Variants in CCM2 observed in about 807,000 individuals in gnomAD.
CCM2 encodes cerebral cavernous malformations 2 protein.
A neutral mutation model predicts 44.9 loss-of-function variants in CCM2; 25 were observed. The observed-to-expected ratio is 0.56, with a 90% CI of 0.41 to 0.78. The LOEUF is 0.78. Among genes scored for constraint, CCM2 ranks in the 30% least tolerant of loss-of-function variants. The pLI is 0.00. For missense variants in CCM2, 481 were observed against 580.6 expected (o/e 0.83, Z 1.76); for synonymous variants, 219 against 241.1 (o/e 0.91, Z 0.85).
rs551691990 is a variant in CCM2 at position 45,045,300 on chromosome 7, T to C, written c.204+6874T>C. ...GGAACTTGAATCACCTTGGAACTTT[T>C]GTATTGATTTCCATAAATGGGAAGT... is the stretch of plus-strand genomic sequence containing the variant. On this transcript the variant is annotated intron_variant, in intron 2 of 9. Coordinates refer to ENST00000258781, the MANE Select transcript of CCM2 (RefSeq NM_031443.4). 4.6e-5 allele frequency among the ~76,000 whole-genome samples: 7 copies of C among 152,348 alleles called. No homozygotes were observed. The South Asian group carries it at 1.4e-3, about 32-fold the overall frequency.
chr7:45,014,037 C>G (rs1796163511), intron 1 of CCM2, among the ~76,000 whole-genome samples: 1 of 152,142 alleles, frequency 6.6e-6, no homozygotes, highest in Non-Finnish European at 1.5e-5. Flanking sequence ...CTGTAGTTCT[C>G]TAGTATCCTT....
intron 2 of CCM2, among the ~76,000 whole-genome samples, chr7:45,038,903 A>AT (rs1260250971): frequency 6.6e-6 from 1 of 152,224 alleles, no homozygotes; most frequent in Non-Finnish European, 1.5e-5. Flanking sequence ...GCATAAGTTG[A>AT]TTTTTAATCC....
At chr7:45,009,250 A>G (rs13224902) in intron 1 of CCM2, among the ~76,000 whole-genome samples, 121,101 of 140,032 alleles carry the variant, frequency 0.86, 52,702 homozygotes, top group African/African-American at 0.96. Context: ...GCTGTGAGCC[A>G]AGATTGCGCC....
At chr7:45,013,139 A>T (rs76751072) in intron 1 of CCM2, among the ~76,000 whole-genome samples, 1 of 151,670 alleles carries the variant, frequency 6.6e-6, no homozygotes. Context: ...TCCTCTATAT[A>T]TTGCTATATA....
intron 1 of CCM2, among the ~76,000 whole-genome samples, chr7:45,026,423 A>G (rs1338801204): frequency 3.3e-5 from 5 of 152,328 alleles, no homozygotes; most frequent in African/African-American, 1.2e-4. Context: ...ATCAGGAAAT[A>G]TTAAACTTTA....
At chr7:45,012,900 G>A (rs961644366) in intron 1 of CCM2, among the ~76,000 whole-genome samples, 1 of 152,016 alleles carries the variant, frequency 6.6e-6, no homozygotes, top group Non-Finnish European at 1.5e-5. Flanking sequence ...CAACAAGTCT[G>A]GAGTTTTAAA....
intron 1 of CCM2, chr7:45,027,575 A>T: frequency 6.4e-7 from 1 of 1,568,694 alleles, no homozygotes; most frequent in Non-Finnish European, 8.6e-7. Context: ...CTTTTAAAAA[A>T]TTGTAAACAG....
At chr7:45,053,223 A>G (rs938651355) in intron 2 of CCM2, among the ~76,000 whole-genome samples, 1 of 152,230 alleles carries the variant, frequency 6.6e-6, no homozygotes, top group East Asian at 1.9e-4. Context: ...ACCCAGGTGA[A>G]TGAAGTCCCT....
chr7:45,003,728 CAA>C lies in CCM2; in HGVS notation c.30+3379_30+3380del, dbSNP rs59817510. 2.1e-3 allele frequency among the ~76,000 whole-genome samples: 300 copies of C among 139,796 alleles called. 1 individual carries two copies. Among genetic ancestry groups the C allele is most frequent in the African/African-American group, 5.5e-3 (209 of 37,908 alleles). The allele number at this position is 139,796 out of a possible 152,430, so 91.7% of individuals were successfully genotyped here. On this transcript the variant is annotated intron_variant, in intron 1 of 9. Transcript: ENST00000258781. ...GGGCAACAGGGCAAGACTCCATCTC[CAA>C]AAAAAAAAAAAAACCATCTTGTGGC... is the stretch of plus-strand genomic sequence containing the variant.
chr7:45,000,186 G>T, upstream of CCM2: 1 of 254,686 alleles, frequency 3.9e-6, no homozygotes, highest in Non-Finnish European at 6.1e-6. Flanking sequence ...TGCGGGTGTG[G>T]GGCGCGGCCG....
intron 2 of CCM2, among the ~76,000 whole-genome samples, chr7:45,047,025 C>T (rs886776662): frequency 1.3e-5 from 2 of 152,062 alleles, no homozygotes; most frequent in African/African-American, 4.8e-5. Context: ...TAATGAGCTG[C>T]CAATACACAC....
Position 45,068,260 on chromosome 7 carries a change from C to A in CCM2, c.473-183C>A, listed in dbSNP as rs1047817333. 14 of 725,566 alleles carry A rather than the reference C, an allele frequency of 1.9e-5. No individual in the cohort carries two copies. The South Asian group carries it at 2.1e-4, about 11-fold the overall frequency. The allele number at this position is 725,566 out of a possible 1,614,324, so 44.9% of individuals were successfully genotyped here. On this transcript the variant is annotated intron_variant, in intron 4 of 9. Coordinates refer to ENST00000258781, the MANE Select transcript of CCM2 (RefSeq NM_031443.4). ...CCTTGGAGCTCAGGGGTCGCGTGTT[C>A]CCACCCTTATTTAGAGAAGCGAAGT...
chr7:45,021,250 C>G (rs1183386556), intron 1 of CCM2, among the ~76,000 whole-genome samples: 2 of 151,872 alleles, frequency 1.3e-5, no homozygotes, highest in African/African-American at 4.8e-5. Flanking sequence ...GAGCAAGACC[C>G]TGTCTCTAAA....
chr7:45,035,092 C>T (rs1223590213), intron 1 of CCM2, among the ~76,000 whole-genome samples: 1 of 151,994 alleles, frequency 6.6e-6, no homozygotes, highest in Admixed American at 6.6e-5. Context: ...ACCTCGGCCT[C>T]CCAAAAGTGT....
chr7:45,025,385 A>G (rs1019394486), intron 1 of CCM2, among the ~76,000 whole-genome samples: 2 of 152,194 alleles, frequency 1.3e-5, no homozygotes, highest in Admixed American at 6.5e-5. Flanking sequence ...CATCAGCAGC[A>G]GGCAGGCATT....
intron 1 of CCM2, among the ~76,000 whole-genome samples, chr7:45,017,637 A>T (rs1212243490): frequency 6.6e-6 from 1 of 152,098 alleles, no homozygotes. Context: ...TTTTTTCCCC[A>T]TGATCTTCAT....
chr7:45,043,218 C>T (rs182476939), intron 2 of CCM2, among the ~76,000 whole-genome samples: 21 of 152,232 alleles, frequency 1.4e-4, no homozygotes, highest in Non-Finnish European at 2.1e-4. Flanking sequence ...GTCCTCCCAC[C>T]TCAGCCTCCC....
chr7:45,055,416 C>T lies in CCM2; in HGVS notation c.205-8502C>T, dbSNP rs540550895. ...CATAAGATTTATTATCGGCCGGGCCCGGTGGCTCATGCCTGTAATCCCAGC... is the reference window on the plus strand; with the variant it reads ...CATAAGATTTATTATCGGCCGGGCCTGGTGGCTCATGCCTGTAATCCCAGC... On this transcript the variant is annotated intron_variant, in intron 2 of 9. Transcript: ENST00000258781. Among the ~76,000 whole-genome samples the T allele has an allele frequency of 5.9e-5, 9 of 152,256 alleles. No individual in the cohort carries two copies. In the South Asian group the frequency reaches 8.3e-4, roughly 14 times the overall value.
intron 6 of CCM2, 68 bp downstream of exon 6, chr7:45,070,029 C>T: frequency 1.9e-6 from 3 of 1,586,864 alleles, no homozygotes; most frequent in Non-Finnish European, 2.6e-6. Context: ...TGGCCCCCAG[C>T]TCCCCATGAG....
Sources: gnomAD v4.1 joint callset for allele counts (sites outside exome capture counted in the v4.1 genomes callset) on GRCh38, gnomAD v4.1.1 for gene constraint, MANE v1.5 for transcripts, NCBI Gene and HGNC (gene_info 2026-07-23, HGNC 2026-07-21) for gene names.